RPGRIP1L: variants seen among roughly 807,000 people sequenced by gnomAD.
RPGRIP1L encodes protein fantom.
A neutral mutation model predicts 160.4 loss-of-function variants in RPGRIP1L; 131 were observed. The observed-to-expected ratio is 0.82, with a 90% CI of 0.71 to 0.94. The LOEUF is 0.94. Ranked by LOEUF, RPGRIP1L falls within the 40% of genes least tolerant of loss-of-function variation. RPGRIP1L has a pLI of 0.00. For missense variants in RPGRIP1L, 1,522 were observed against 1,535.8 expected, an observed-to-expected ratio of 0.99 and a Z score of 0.15; for synonymous variants, 510 against 515.8, an observed-to-expected ratio of 0.99 and a Z score of 0.15.
chr16:53,687,778 T>A (rs755135742), intron 5 of RPGRIP1L, 85 bp downstream of exon 5: 137 of 839,594 alleles, frequency 1.6e-4, no homozygotes, highest in Non-Finnish European at 2.6e-4. Flanking sequence ...ACTGTTTACA[T>A]ATAAATAAAG....
At chr16:53,673,255 T>A (rs1356799240) in intron 7 of RPGRIP1L, among the ~76,000 whole-genome samples, 1 of 152,200 alleles carries the variant, frequency 6.6e-6, no homozygotes, top group Non-Finnish European at 1.5e-5. Context: ...TAGAGTCACA[T>A]ATTTTATTTC....
chr16:53,676,581 T>C (rs1969190083), intron 6 of RPGRIP1L, among the ~76,000 whole-genome samples: 1 of 152,180 alleles, frequency 6.6e-6, no homozygotes, highest in African/African-American at 2.4e-5. Context: ...AATCTTTTCA[T>C]ATATTTCCAG....
Position 53,601,891 on chromosome 16 carries a change from G to A in RPGRIP1L, c.*185C>T, listed in dbSNP as rs1199925957. 3.4e-6 allele frequency: 2 copies of A among 593,550 alleles called. No individual in the cohort carries two copies. The highest frequency in any genetic ancestry group is 4.5e-4 in the Middle Eastern group (1 of 2,198). 36.8% of individuals were successfully genotyped at this position (593,550 alleles called of 1,614,324 possible). A position where few individuals can be genotyped will look rare whatever the true frequency, so the allele number is the denominator to read the frequency against. ...TGAGGGGTGGCAGTTATGAGAAGGA[G>A]GGAATAGAGAAATAAACAAATGAAA... On this transcript the variant is annotated 3_prime_UTR_variant, in exon 27 of 27. Transcript: ENST00000647211.
Position 53,648,946 on chromosome 16 carries a change from A to T in RPGRIP1L, c.2304+18T>A, listed in dbSNP as rs780469767. 2 of 1,611,092 alleles carry T rather than the reference A, an allele frequency of 1.2e-6. No individual in the cohort carries two copies. The highest frequency in any genetic ancestry group is 2.2e-5 in the South Asian group (2 of 90,994). Reference sequence around the variant, plus strand: ...AATTTCTATGTCATAAAAGGGTCTTAAAGCCAAATGAGCTTACCGACTGCA... The same window carrying T: ...AATTTCTATGTCATAAAAGGGTCTTTAAGCCAAATGAGCTTACCGACTGCA... On this transcript the variant is annotated intron_variant, in intron 16 of 26. Transcript: ENST00000647211.
Position 53,652,924 on chromosome 16 carries a change from T to A in RPGRIP1L, c.1763A>T (p.Asp588Val). The change falls in exon 15 of 27, where the codon GAT becomes GTT. Residue 588 changes from aspartate (D) to valine (V), a missense_variant. Asp to Val is a radical substitution (Grantham distance 152, BLOSUM62 -3). Coordinates refer to ENST00000647211, the MANE Select transcript of RPGRIP1L (RefSeq NM_015272.5). ...QYKFKPEIMP[D>V]DSVDEFDETI... ...TTCATCAAATTCATCAACAGAGTCA[T>A]CTGGCATGATTTCTGGTTTAAATTT... 1 of 1,613,590 alleles carries A rather than the reference T, an allele frequency of 6.2e-7. No homozygotes were observed. Among genetic ancestry groups the A allele is most frequent in the Non-Finnish European group, 8.5e-7 (1 of 1,179,898 alleles).
chr16:53,691,974 C>G, intron 4 of RPGRIP1L, 92 bp downstream of exon 4: 1 of 1,165,350 alleles, frequency 8.6e-7, no homozygotes, highest in Non-Finnish European at 1.3e-6. Flanking sequence ...CACTTAAAAG[C>G]ATGCGTAATA....
intron 22 of RPGRIP1L, among the ~76,000 whole-genome samples, chr16:53,631,884 G>A (rs1169821544): frequency 1.3e-5 from 2 of 152,092 alleles, no homozygotes; most frequent in East Asian, 3.8e-4. Flanking sequence ...GGGCAAATTG[G>A]GTGGCACATT....
chr16:53,667,872 CA>C (rs575853403), intron 9 of RPGRIP1L, among the ~76,000 whole-genome samples: 10 of 146,004 alleles, frequency 6.8e-5, no homozygotes, highest in South Asian at 2.2e-4. Flanking sequence ...GATTCTGTCT[CA>C]AAAAAAAAAT....
At chr16:53,621,878 T>C (rs1964737669) in intron 23 of RPGRIP1L, among the ~76,000 whole-genome samples, 1 of 149,478 alleles carries the variant, frequency 6.7e-6, no homozygotes, top group African/African-American at 2.5e-5. Context: ...AAAAAATCAA[T>C]CGGGTGTGGT....
At chr16:53,631,633 A>C (rs1182973774) in intron 22 of RPGRIP1L, among the ~76,000 whole-genome samples, 1 of 152,212 alleles carries the variant, frequency 6.6e-6, no homozygotes, top group Non-Finnish European at 1.5e-5. Flanking sequence ...TCAATGTATT[A>C]TACATCAAAT....
Position 53,636,496 on chromosome 16 carries a change from T to G in RPGRIP1L, c.3237A>C (p.Ser1079=), listed in dbSNP as rs1965841741. Residue 1079 remains serine (S), a synonymous_variant, in exon 22 of 27, where the codon TCA becomes TCC. Coordinates refer to ENST00000647211, the MANE Select transcript of RPGRIP1L (RefSeq NM_015272.5). The part of the protein sequence containing the change: ...DLEPEVEEDM[S]ASDSDDCIIP... The stretch of plus-strand genomic sequence containing the variant: ...TAATACAGTCATCACTGTCAGAAGC[T>G]GACATGTCCTCTTCAACTGTTTAAA... 2 of 1,611,766 alleles carry G rather than the reference T, an allele frequency of 1.2e-6. No homozygotes were observed. Among genetic ancestry groups the G allele is most frequent in the Non-Finnish European group, 1.7e-6 (2 of 1,178,094 alleles).
At chr16:53,689,859 G>T (rs1598407085) in intron 4 of RPGRIP1L, among the ~76,000 whole-genome samples, 1 of 152,180 alleles carries the variant, frequency 6.6e-6, no homozygotes, top group Non-Finnish European at 1.5e-5. Flanking sequence ...CCTGAACAGT[G>T]AGAAAGGTCT....
At chr16:53,666,935 G>T (rs1358519087) in intron 9 of RPGRIP1L, among the ~76,000 whole-genome samples, 2 of 152,078 alleles carry the variant, frequency 1.3e-5, no homozygotes. Context: ...ACATTCCACT[G>T]GAGTTTCATG....
chr16:53,602,091 A>G lies in RPGRIP1L; in HGVS notation c.3933T>C (p.Asp1311=), dbSNP rs778764897. The G allele has an allele frequency of 6.2e-7, 1 of 1,610,482 alleles. No individual in the cohort carries two copies. Among genetic ancestry groups the G allele is most frequent in the Non-Finnish European group, 8.5e-7 (1 of 1,176,868 alleles). ...ALQSVYKQYR[D]DLEA Reference sequence around the variant, plus strand: ...GCATTTGCTTTCAAGCCTCCAAGTCATCTCTGTATTGCTTGTAGACAGACT... The same window carrying G: ...GCATTTGCTTTCAAGCCTCCAAGTCGTCTCTGTATTGCTTGTAGACAGACT... Residue 1311 remains aspartate, a synonymous_variant, in exon 27 of 27, where the codon GAT becomes GAC. Transcript: ENST00000647211.
At chr16:53,668,672 T>C (rs1968477222) in intron 9 of RPGRIP1L, among the ~76,000 whole-genome samples, 1 of 152,178 alleles carries the variant, frequency 6.6e-6, no homozygotes, top group African/African-American at 2.4e-5. Context: ...ACTAACTAAC[T>C]TCAAAAGTGA....
chr16:53,666,506 G>A (rs1968260822), intron 9 of RPGRIP1L, among the ~76,000 whole-genome samples: 2 of 151,300 alleles, frequency 1.3e-5, no homozygotes, highest in African/African-American at 2.4e-5. Context: ...TAATTTCTAT[G>A]TATGGCCAAA....
chr16:53,637,250 C>G (rs939019882), intron 21 of RPGRIP1L, among the ~76,000 whole-genome samples: 5 of 152,252 alleles, frequency 3.3e-5, no homozygotes, highest in South Asian at 2.1e-4. Context: ...AAAATCTCCT[C>G]AGGTCCCTCT....
At chr16:53,626,145 TAAAAAAA>T (rs760491478) in intron 22 of RPGRIP1L, among the ~76,000 whole-genome samples, 1 of 60,534 alleles carries the variant, frequency 1.7e-5, no homozygotes, top group Non-Finnish European at 3.2e-5. Context: ...CAATAAATAC[TAAAAAAA>T]AAAAAAAAAA....
At chr16:53,685,020 A>G (rs1453967802) in intron 6 of RPGRIP1L, among the ~76,000 whole-genome samples, 1 of 152,162 alleles carries the variant, frequency 6.6e-6, no homozygotes, top group Non-Finnish European at 1.5e-5. Flanking sequence ...TTACAAGAAA[A>G]AAAAGCCAAA....
Sources: allele counts gnomAD v4.1 joint callset (sites outside exome capture counted in the v4.1 genomes callset), GRCh38; gene constraint gnomAD v4.1.1; transcripts MANE v1.5; gene names NCBI Gene and HGNC (gene_info 2026-07-23, HGNC 2026-07-21).